SEMA3A: variants seen among roughly 807,000 people sequenced by gnomAD.
SEMA3A encodes semaphorin 3A.
In SEMA3A, 29 loss-of-function variants were observed where a neutral mutation model predicts 97.9. That is an observed-to-expected ratio of 0.30 (90% CI 0.22 to 0.40). The LOEUF (loss-of-function observed/expected upper bound fraction) is 0.40. Among genes scored for constraint, SEMA3A ranks in the 10% least tolerant of loss-of-function variants. The pLI, the probability that SEMA3A is intolerant of heterozygous loss-of-function variation, is 1.00. For synonymous variants in SEMA3A, 321 were observed against 323.7 expected, an observed-to-expected ratio of 0.99 and a Z score of 0.09; for missense variants, 763 against 951.3, an observed-to-expected ratio of 0.80 and a Z score of 2.60.
At chr7:84,192,240 A>G (rs1191314201) in intron 1 of SEMA3A, among the ~76,000 whole-genome samples, 1 of 151,956 alleles carries the variant, frequency 6.6e-6, no homozygotes, top group Non-Finnish European at 1.5e-5. Flanking sequence ...TCTCTATTGT[A>G]CTTTAGAAAC....
At chr7:84,038,445 T>A (rs796973347) in intron 6 of SEMA3A, among the ~76,000 whole-genome samples, 4 of 152,298 alleles carry the variant, frequency 2.6e-5, no homozygotes, top group African/African-American at 9.6e-5. Context: ...TTTTTCCAAA[T>A]GCATTACATA....
At chr7:84,328,321 C>T (rs1030059997) in intron 2 of SEMA3A, among the ~76,000 whole-genome samples, 12 of 151,826 alleles carry the variant, frequency 7.9e-5, no homozygotes, top group South Asian at 6.2e-4. Context: ...GATAAACATA[C>T]GTAAACATGA....
intron 3 of SEMA3A, among the ~76,000 whole-genome samples, chr7:84,249,358 C>G (rs113015941): frequency 4.7e-4 from 62 of 133,246 alleles, no homozygotes; most frequent in African/African-American, 1.5e-3. Flanking sequence ...CTCTCTCTCT[C>G]TCTGTCTATC....
At chr7:84,240,208 T>G (rs1799325688) in intron 3 of SEMA3A, among the ~76,000 whole-genome samples, 1 of 152,122 alleles carries the variant, frequency 6.6e-6, no homozygotes, top group African/African-American at 2.4e-5. Context: ...CATAAGCAAA[T>G]ATTTAACTTG....
chr7:84,035,237 T>C (rs1312987708), intron 6 of SEMA3A, among the ~76,000 whole-genome samples: 1 of 152,078 alleles, frequency 6.6e-6, no homozygotes, highest in Non-Finnish European at 1.5e-5. Flanking sequence ...TTAGAGATTT[T>C]ATGTAAATAG....
intron 1 of SEMA3A, among the ~76,000 whole-genome samples, chr7:84,421,560 A>C (rs1648157362): frequency 1.3e-5 from 2 of 152,096 alleles, no homozygotes; most frequent in African/African-American, 2.4e-5. Context: ...TATGTTGAAT[A>C]GGAGTGGTGA....
intron 1 of SEMA3A, among the ~76,000 whole-genome samples, chr7:84,155,828 C>T (rs1380489616): frequency 4.6e-5 from 7 of 152,052 alleles, no homozygotes; most frequent in Non-Finnish European, 8.8e-5. Context: ...TTTAGTTTAA[C>T]TGTAGGGTAA....
At chr7:84,001,322 CT>C (rs1790440797) in intron 12 of SEMA3A, among the ~76,000 whole-genome samples, 1 of 151,664 alleles carries the variant, frequency 6.6e-6, no homozygotes, top group Non-Finnish European at 1.5e-5. Flanking sequence ...CCCAACCCCC[CT>C]CTCACCCGTA....
At chr7:84,064,326 T>G (rs1417275697) in intron 4 of SEMA3A, among the ~76,000 whole-genome samples, 2 of 152,050 alleles carry the variant, frequency 1.3e-5, no homozygotes, top group Non-Finnish European at 2.9e-5. Context: ...TGCCAAAATG[T>G]AAACACCATC....
chr7:84,252,544 C>T (rs1659275972), intron 3 of SEMA3A, among the ~76,000 whole-genome samples: 1 of 152,144 alleles, frequency 6.6e-6, no homozygotes, highest in African/African-American at 2.4e-5. Flanking sequence ...TTACTGCTTA[C>T]CTAAGATATT....
chr7:84,419,936 G>A (rs1158913035), intron 1 of SEMA3A, among the ~76,000 whole-genome samples: 1 of 152,094 alleles, frequency 6.6e-6, no homozygotes, highest in Non-Finnish European at 1.5e-5. Flanking sequence ...CGGCATTCAA[G>A]GAAATTTCTG....
chr7:84,053,140 G>T (rs1792766141), intron 5 of SEMA3A, among the ~76,000 whole-genome samples: 1 of 134,060 alleles, frequency 7.5e-6, no homozygotes, highest in African/African-American at 2.6e-5. Flanking sequence ...CAACTATGTG[G>T]TCAATTTTGG....
intron 2 of SEMA3A, among the ~76,000 whole-genome samples, chr7:84,318,447 C>A (rs1801567802): frequency 6.7e-6 from 1 of 149,752 alleles, no homozygotes; most frequent in South Asian, 2.1e-4. Context: ...CTCAGCCTCC[C>A]AAGTAGCTGG....
At chr7:83,967,669 C>G (rs1458051236) in intron 15 of SEMA3A, among the ~76,000 whole-genome samples, 1 of 152,018 alleles carries the variant, frequency 6.6e-6, no homozygotes, top group African/African-American at 2.4e-5. Flanking sequence ...GCAGGAGAAG[C>G]GCTTGAATCT....
At chr7:84,133,900 A>AC (rs1796039733) in intron 2 of SEMA3A, among the ~76,000 whole-genome samples, 1 of 150,374 alleles carries the variant, frequency 6.7e-6, no homozygotes, top group Non-Finnish European at 1.5e-5. Context: ...AAAAAAAAAA[A>AC]AAAAAAAAAA....
At chr7:84,049,146 C>A (rs1020832570) in intron 5 of SEMA3A, among the ~76,000 whole-genome samples, 2 of 152,026 alleles carry the variant, frequency 1.3e-5, no homozygotes, top group African/African-American at 4.8e-5. Context: ...GACTTATAAA[C>A]CAAAATAAGT....
At chr7:84,064,161 T>A (rs949345916) in intron 4 of SEMA3A, among the ~76,000 whole-genome samples, 2 of 151,668 alleles carry the variant, frequency 1.3e-5, no homozygotes, top group Admixed American at 6.6e-5. Context: ...TTCATATCCA[T>A]CCAAACTAAG....
intron 1 of SEMA3A, among the ~76,000 whole-genome samples, chr7:84,384,855 AT>A (rs1277347455): frequency 1.3e-5 from 2 of 152,148 alleles, no homozygotes; most frequent in Non-Finnish European, 2.9e-5. Flanking sequence ...GCAGTTGAAA[AT>A]TGCAGATGAA....
chr7:84,360,724 G>A (rs968984192), intron 2 of SEMA3A, among the ~76,000 whole-genome samples: 2 of 152,000 alleles, frequency 1.3e-5, no homozygotes, highest in Non-Finnish European at 2.9e-5. Flanking sequence ...TGTCAAAGGG[G>A]AATAGAGTAA....
Sources: allele counts gnomAD v4.1 joint callset (sites outside exome capture counted in the v4.1 genomes callset), GRCh38; gene constraint gnomAD v4.1.1; transcripts MANE v1.5; gene names NCBI Gene and HGNC (gene_info 2026-07-23, HGNC 2026-07-21).